Variants in SLC26A6 observed in about 807,000 individuals in gnomAD.
SLC26A6 encodes solute carrier family 26 member 6, also known as anion exchange transporter.
SLC26A6 carries 67 observed loss-of-function variants against 87.1 expected under a neutral mutation model. That is an observed-to-expected ratio of 0.77 (90% CI 0.63 to 0.94). SLC26A6 has a LOEUF of 0.94. Ranked by LOEUF, SLC26A6 falls within the 40% of genes least tolerant of loss-of-function variation. The probability of loss-of-function intolerance (pLI) is 0.00; values close to 1 mark genes in which losing one functional copy is unlikely to be tolerated. For synonymous variants in SLC26A6, 414 were observed against 405.9 expected (o/e 1.02, Z -0.24); for missense variants, 902 against 973.0 (o/e 0.93, Z 0.97).
chr3:48,627,173 G>A, intron 17 of SLC26A6, 118 bp from the exon 18 acceptor site: 1 of 1,241,130 alleles, frequency 8.1e-7, no homozygotes, highest in Non-Finnish European at 1.1e-6. Context: ...GACACATAAG[G>A]ACACAAACAT....
chr3:48,635,390 C>A lies in SLC26A6; in HGVS notation c.4G>T (p.Gly2Trp), dbSNP rs1406396745. 1.3e-6 allele frequency: 2 copies of A among 1,585,750 alleles called. No homozygotes were observed. The highest frequency in any genetic ancestry group is 1.8e-5 in the Admixed American group (1 of 56,824). Reference sequence around the variant, plus strand: ...ACTCACCCCGACGCATCCGCCAGCCCCATGGCTCGCAAGTTGTCCGGTGCG... The same window carrying A: ...ACTCACCCCGACGCATCCGCCAGCCACATGGCTCGCAAGTTGTCCGGTGCG... M[G>W]LADASGPRDT... The change falls in exon 1 of 21, where the codon GGG becomes TGG. Residue 2 changes from glycine to tryptophan, a missense_variant. Transcript: ENST00000395550.
At chr3:48,631,603 C>G (rs760616561) in intron 7 of SLC26A6, 46 bp downstream of exon 7, 2 of 1,595,042 alleles carry the variant, frequency 1.3e-6, no homozygotes, top group Admixed American at 1.7e-5. Flanking sequence ...AAGGACCCAG[C>G]CTGACCTGCC....
At chr3:48,629,558 G>A (rs1454614282) in intron 14 of SLC26A6, 84 bp downstream of exon 14, 1 of 1,440,018 alleles carries the variant, frequency 6.9e-7, no homozygotes, top group African/African-American at 1.4e-5. Context: ...CCAGTTCCCT[G>A]GCCAAGTGTG....
intron 20 of SLC26A6, 109 bp from the exon 21 acceptor site, chr3:48,626,109 C>T (rs1023762258): frequency 3.7e-6 from 6 of 1,611,418 alleles, no homozygotes; most frequent in Admixed American, 3.3e-5. Flanking sequence ...ACTGGGCCCA[C>T]TGGGGACAGA....
At chr3:48,632,172 A>AG in intron 5 of SLC26A6, 73 bp downstream of exon 5, 1 of 1,574,520 alleles carries the variant, frequency 6.4e-7, no homozygotes, top group South Asian at 1.2e-5. Context: ...TCAGACACTC[A>AG]GGGGAGTACA....
chr3:48,632,418 G>A (rs1208205682), intron 4 of SLC26A6, 22 bp from the exon 5 acceptor site: 8 of 1,594,276 alleles, frequency 5.0e-6, no homozygotes, highest in Non-Finnish European at 6.8e-6. Flanking sequence ...GCACGGGGCA[G>A]GTCTGAAGAG....
At chr3:48,627,921 C>T in intron 17 of SLC26A6, 25 bp downstream of exon 17, 1 of 1,576,772 alleles carries the variant, frequency 6.3e-7, no homozygotes, top group South Asian at 1.2e-5. Context: ...ACAGCTGTCA[C>T]CTCCTTTCCC....
intron 19 of SLC26A6, 63 bp downstream of exon 19, chr3:48,626,568 C>A (rs2046628244): frequency 1.2e-6 from 2 of 1,608,856 alleles, no homozygotes; most frequent in Admixed American, 1.7e-5. Context: ...ACTTGGAAAA[C>A]CCCTTGGCCA....
intron 5 of SLC26A6, 41 bp downstream of exon 5, chr3:48,632,204 G>T: frequency 6.4e-7 from 1 of 1,569,216 alleles, no homozygotes; most frequent in Non-Finnish European, 8.7e-7. Context: ...GGCGGGAGCA[G>T]AAGTGGTGGT....
At chr3:48,632,690 A>G (rs1415154115) in intron 4 of SLC26A6, 6 of 686,856 alleles carry the variant, frequency 8.7e-6, no homozygotes, top group East Asian at 5.7e-5. Context: ...GGAAGGGGTC[A>G]GGGCTGGCCT....
chr3:48,627,796 A>T (rs548600137), intron 17 of SLC26A6, 150 bp downstream of exon 17: 3 of 638,570 alleles, frequency 4.7e-6, no homozygotes, highest in Non-Finnish European at 7.8e-6. Flanking sequence ...TCCCTGAAGA[A>T]TATCTGACCC....
Position 48,630,480 on chromosome 3 carries a change from G to A in SLC26A6, c.1284C>T (p.Leu428=), listed in dbSNP as rs1286090781. The change falls in exon 11 of 21, where the codon CTC becomes CTT. Residue 428 remains leucine (L), a synonymous_variant. Transcript: ENST00000395550. ...AGAGTTCCCCAAGTTTGACAATGAT[G>A]AGGAGGATGAAAAGGGAAGAGATGG... ...AGAISSLFIL[L]IIVKLGELFH... is the part of the protein sequence containing the mutation. The A allele has an allele frequency of 1.3e-6, 2 of 1,561,518 alleles. No individual in the cohort carries two copies. The highest frequency in any genetic ancestry group is 1.4e-5 in the African/African-American group (1 of 73,528).
rs1559469258 is a variant in SLC26A6 at position 48,632,021 on chromosome 3, G to GA, written c.608dup (p.Gly204ArgfsTer82). ...CTGACAGGTAGGTGACCACGAAGCC[G>GA]AAGTGGATCAGGCCCAGCCCCACCT... is the stretch of plus-strand genomic sequence containing the variant. On this transcript the variant is annotated frameshift_variant, in exon 6 of 21. Transcript: ENST00000395550. LOFTEE classifies it high-confidence loss of function. 6.2e-7 allele frequency: 1 copy of GA among 1,613,334 alleles called. No individual in the cohort carries two copies. The highest frequency in any genetic ancestry group is 8.5e-7 in the Non-Finnish European group (1 of 1,179,996).
chr3:48,627,638 C>CT (rs1479158719), intron 17 of SLC26A6: 3 of 256,798 alleles, frequency 1.2e-5, no homozygotes, highest in African/African-American at 6.8e-5. Flanking sequence ...CCACGCCTGC[C>CT]TTTGACCCCT....
Position 48,630,070 on chromosome 3 carries a change from C to G in SLC26A6, c.1414G>C (p.Ala472Pro), listed in dbSNP as rs1216565271. Residue 472 changes from alanine to proline, a missense_variant, in exon 12 of 21, where the codon GCG (alanine) becomes CCG (proline). Coordinates refer to ENST00000395550, the MANE Select transcript of SLC26A6 (RefSeq NM_022911.3). ...DMRSLWKANR[A>P]DLLIWLVTFT... ...GCTCCCAGTGCACTCACCAGATCCG[C>G]CCGATTGGCCTTCCAGAGGGAGCGC... is the stretch of plus-strand genomic sequence containing the variant. 1 of 1,612,442 alleles carries G rather than the reference C, an allele frequency of 6.2e-7. No individual in the cohort carries two copies. Among genetic ancestry groups the G allele is most frequent in the Admixed American group, 1.7e-5 (1 of 60,010 alleles).
intron 19 of SLC26A6, 55 bp from the exon 20 acceptor site, chr3:48,626,409 C>A (rs1356755589): frequency 1.9e-6 from 3 of 1,611,236 alleles, no homozygotes; most frequent in Non-Finnish European, 2.5e-6. Flanking sequence ...GAACTCAACT[C>A]CCGGGAGCCA....
chr3:48,628,698 C>A lies in SLC26A6; in HGVS notation c.1616G>T (p.Gly539Val), dbSNP rs1164920069. 1 of 1,613,390 alleles carries A rather than the reference C, an allele frequency of 6.2e-7. No homozygotes were observed. Among genetic ancestry groups the A allele is most frequent in the Non-Finnish European group, 8.5e-7 (1 of 1,179,820 alleles). The change falls in exon 15 of 21, where the codon GGG becomes GTG. Residue 539 changes from glycine (G) to valine (V), a missense_variant. Physicochemically the swap from Gly to Val is moderately radical, Grantham distance 109. Coordinates refer to ENST00000395550, the MANE Select transcript of SLC26A6 (RefSeq NM_022911.3). The surrounding 1 kb of genome is among the most constrained non-coding windows in gnomAD (Gnocchi z 4.4). ...GGCCGAGGAGCGGAAGACCTTCACC[C>A]CCCGGACTTCCTTGGCCTGGGGATG... ...AEYSEAKEVR[G>V]VKVFRSSATV...
chr3:48,631,460 G>A (rs1220690678), intron 7 of SLC26A6, 154 bp from the exon 8 acceptor site: 6 of 1,098,902 alleles, frequency 5.5e-6, no homozygotes, highest in East Asian at 2.6e-5. Flanking sequence ...ACACCATTTC[G>A]GCTATGGGGA....
intron 1 of SLC26A6, chr3:48,634,025 G>C (rs1484742061): frequency 3.4e-6 from 1 of 295,120 alleles, no homozygotes; most frequent in Non-Finnish European, 5.7e-6. Context: ...CCCACTGCTG[G>C]CTGAGAGCAC....
Sources: gnomAD v4.1 joint callset for allele counts on GRCh38, gnomAD v4.1.1 for gene constraint, Gnocchi (gnomAD v3.1) non-coding constraint, MANE v1.5 for transcripts, NCBI Gene and HGNC (gene_info 2026-07-23, HGNC 2026-07-21) for gene names.